PCDHGB6: variants seen among roughly 807,000 people sequenced by gnomAD.
PCDHGB6 encodes protocadherin gamma subfamily B, 6.
PCDHGB6 carries 51 observed loss-of-function variants against 59.1 expected under a neutral mutation model. The ratio of observed to expected loss-of-function variants is 0.86; its 90% CI spans 0.69 to 1.09. The LOEUF is 1.09. Ranked by LOEUF, PCDHGB6 falls within the 50% of genes least tolerant of loss-of-function variation. The probability of loss-of-function intolerance (pLI) is 0.00; values close to 1 mark genes in which losing one functional copy is unlikely to be tolerated. For synonymous variants in PCDHGB6, 466 were observed against 495.1 expected (o/e 0.94, Z 0.78); for missense variants, 1,148 against 1,205.1 (o/e 0.95, Z 0.70).
intron 1 of PCDHGB6, among the ~76,000 whole-genome samples, chr5:141,482,257 T>C (rs2099555476): frequency 1.3e-5 from 2 of 152,156 alleles, no homozygotes; most frequent in Admixed American, 1.3e-4. Context: ...ACTGTACATA[T>C]TAGTTGTTTA....
In PCDHGB6 at chr5:141,409,757, G is replaced by T. The variant is rs376391018; in HGVS notation, c.1555G>T (p.Ala519Ser). Residue 519 changes from alanine (A) to serine (S), a missense_variant, in exon 1 of 4, where the codon GCC becomes TCC. By Grantham distance (99) the Ala-to-Ser change is moderately conservative. Coordinates refer to ENST00000520790, the MANE Select transcript of PCDHGB6 (RefSeq NM_018926.3). ...GAGCGGGGTGGTGTTCGCGCAGCGC[G>T]CCTTTGATCACGAGCAGCTGCGCGC... is the stretch of plus-strand genomic sequence containing the variant. ...AQSGVVFAQR[A>S]FDHEQLRAFA... 5 of 1,612,868 alleles carry T rather than the reference G, an allele frequency of 3.1e-6. No homozygotes were observed. In the East Asian group the frequency reaches 6.7e-5, roughly 22 times the overall value.
chr5:141,433,283 T>A, intron 1 of PCDHGB6: 1 of 1,183,074 alleles, frequency 8.5e-7, no homozygotes, highest in Non-Finnish European at 1.2e-6. Flanking sequence ...AGCCTCAAAC[T>A]CCTAGGCTCA....
rs770010951 is a variant in PCDHGB6 at position 141,408,783 on chromosome 5, T to A, written c.581T>A (p.Leu194Ter). Residue 194 changes from leucine (L) to a stop codon, truncating the protein, a stop_gained, in exon 1 of 4, where the codon TTA becomes TAA. Transcript: ENST00000520790. LOFTEE classifies it high-confidence loss of function. ...TCCGATGGTGGCAAATACCCAGAGT[T>A]ATCTCTGGAGAAACTCCTAGACCGG... ...VNSDGGKYPELSLEKLLDREE... is the reference protein window; with the variant it reads ...VNSDGGKYPE 26 of 1,612,386 alleles carry A rather than the reference T, an allele frequency of 1.6e-5. No homozygotes were observed. The East Asian group carries it at 5.8e-4, about 36-fold the overall frequency.
chr5:141,500,051 C>A (rs991931153), intron 2 of PCDHGB6, among the ~76,000 whole-genome samples: 1 of 151,988 alleles, frequency 6.6e-6, no homozygotes, highest in Non-Finnish European at 1.5e-5. Context: ...TATCTTAATG[C>A]TCTTTTAATG....
intron 1 of PCDHGB6, chr5:141,428,109 G>A: frequency 1.2e-6 from 2 of 1,607,850 alleles, no homozygotes; most frequent in Non-Finnish European, 1.7e-6. Context: ...CGTGCTGCAG[G>A]CCATCGAGCC....
chr5:141,427,626 C>T, intron 1 of PCDHGB6: 1 of 699,934 alleles, frequency 1.4e-6, no homozygotes, highest in Non-Finnish European at 2.6e-6. Flanking sequence ...CGACAATGCT[C>T]CGGTTTTCCA....
intron 1 of PCDHGB6, chr5:141,426,170 T>G (rs2096918811): frequency 6.4e-6 from 1 of 155,200 alleles, no homozygotes. Flanking sequence ...CCATACGGAT[T>G]GGGGTGCCCT....
At chr5:141,482,572 T>C (rs1367788391) in intron 1 of PCDHGB6, among the ~76,000 whole-genome samples, 1 of 137,636 alleles carries the variant, frequency 7.3e-6, no homozygotes, top group Admixed American at 7.3e-5. Context: ...CTGCATAGCA[T>C]AAGATGCAGT....
intron 1 of PCDHGB6, chr5:141,478,259 T>G: frequency 6.2e-7 from 1 of 1,614,182 alleles, no homozygotes. Context: ...AGTAATCATA[T>G]TCAAAGTTTA....
chr5:141,425,221 C>T (rs2096862694), intron 1 of PCDHGB6, among the ~76,000 whole-genome samples: 1 of 152,068 alleles, frequency 6.6e-6, no homozygotes, highest in African/African-American at 2.4e-5. Context: ...TGTACTTTGA[C>T]TGGAATTAGT....
In PCDHGB6 at chr5:141,489,872, T is replaced by A. The variant is rs2099693206; in HGVS notation, c.2419-4935T>A. 1 of 1,614,090 alleles carries A rather than the reference T, an allele frequency of 6.2e-7. No homozygotes were observed. The highest frequency in any genetic ancestry group is 8.5e-7 in the Non-Finnish European group (1 of 1,180,016). On this transcript the variant is annotated intron_variant, in intron 1 of 3. Coordinates refer to ENST00000520790, the MANE Select transcript of PCDHGB6 (RefSeq NM_018926.3). The surrounding 1 kb of genome is among the most constrained non-coding windows in gnomAD (Gnocchi z 4.5). ...GAAGCCCAGGCAAGACATCAGCTGG[T>A]GCTTACTGCTGTGGATGGGGGGACC...
intron 1 of PCDHGB6, chr5:141,492,079 G>A (rs1400390407): frequency 4.1e-6 from 2 of 486,168 alleles, no homozygotes; most frequent in African/African-American, 2.0e-5. Context: ...CGCCGGCTCC[G>A]GCACGCTTCG....
Position 141,431,135 on chromosome 5 carries a change from A to G in PCDHGB6, c.2418+20515A>G, listed in dbSNP as rs140069213. The G allele has an allele frequency of 1.5e-5, 24 of 1,614,266 alleles. No homozygotes were observed. In the African/African-American group the frequency reaches 3.1e-4, roughly 21 times the overall value. Reference sequence around the variant, plus strand: ...TGGAGTAGAAGTAGAAGTAAGGGACATTAACGACAATGCGCCTTACTTTCG... The same window carrying G: ...TGGAGTAGAAGTAGAAGTAAGGGACGTTAACGACAATGCGCCTTACTTTCG... On this transcript the variant is annotated intron_variant, in intron 1 of 3. Transcript: ENST00000520790. This position sits in a 1 kb window ranked among gnomAD's most constrained non-coding sequence, Gnocchi z 4.8.
rs1257933448 is a variant in PCDHGB6, at chr5:141,490,285, G to C, written c.2419-4522G>C. 3 of 1,614,106 alleles carry C rather than the reference G, an allele frequency of 1.9e-6. No homozygotes were observed. In the African/African-American group the frequency reaches 4.0e-5, roughly 22 times the overall value. On this transcript the variant is annotated intron_variant, in intron 1 of 3. Coordinates refer to ENST00000520790, the MANE Select transcript of PCDHGB6 (RefSeq NM_018926.3). This position sits in a 1 kb window ranked among gnomAD's most constrained non-coding sequence, Gnocchi z 5.4. ...GGGGGATGTCAATGACAATGCCCCAGAGGTGCTATTGGCCTCTTTGGCCAA... is the reference window on the plus strand; with the variant it reads ...GGGGGATGTCAATGACAATGCCCCACAGGTGCTATTGGCCTCTTTGGCCAA...
intron 1 of PCDHGB6, chr5:141,414,391 T>TG (rs1367379916): frequency 6.2e-7 from 1 of 1,613,862 alleles, no homozygotes; most frequent in South Asian, 1.1e-5. Flanking sequence ...TGACAGTTAT[T>TG]ACAGATTGGT....
chr5:141,444,240 C>A (rs1017550385), intron 1 of PCDHGB6, among the ~76,000 whole-genome samples: 1 of 128,688 alleles, frequency 7.8e-6, no homozygotes, highest in Admixed American at 9.7e-5. Flanking sequence ...GGCATGCTCT[C>A]GGCTCACTGC....
At chr5:141,452,017 C>T (rs181614467) in intron 1 of PCDHGB6, among the ~76,000 whole-genome samples, 10 of 152,344 alleles carry the variant, frequency 6.6e-5, no homozygotes, top group Non-Finnish European at 1.2e-4. Flanking sequence ...CCAGCCCACA[C>T]TCTGGGGAGA....
rs143083513 is a variant in PCDHGB6 at position 141,431,088 on chromosome 5, T to C, written c.2418+20468T>C. On this transcript the variant is annotated intron_variant, in intron 1 of 3. Coordinates refer to ENST00000520790, the MANE Select transcript of PCDHGB6 (RefSeq NM_018926.3). This position sits in a 1 kb window ranked among gnomAD's most constrained non-coding sequence, Gnocchi z 4.8. The stretch of plus-strand genomic sequence containing the variant: ...TGTCAATTAAATCTAGACATTCTGA[T>C]GGAGGATAAAGTGAAAATATATGGA... 106 of 1,614,180 alleles carry C rather than the reference T, an allele frequency of 6.6e-5. 1 individual carries two copies. The highest frequency in any genetic ancestry group is 3.1e-4 in the East Asian group (14 of 44,890).
Position 141,408,041 on chromosome 5 carries a change from C to T in PCDHGB6, c.-162C>T. On this transcript the variant is annotated 5_prime_UTR_variant, in exon 1 of 4. Coordinates refer to ENST00000520790, the MANE Select transcript of PCDHGB6 (RefSeq NM_018926.3). Reference sequence around the variant, plus strand: ...ACAACAGAAAGAAGAAAACCAGCTCCCACACAGAGCCTCCCGGCTGCGCAG... The same window carrying T: ...ACAACAGAAAGAAGAAAACCAGCTCTCACACAGAGCCTCCCGGCTGCGCAG... 1.7e-6 allele frequency: 2 copies of T among 1,193,652 alleles called. No homozygotes were observed. Among genetic ancestry groups the T allele is most frequent in the Non-Finnish European group, 2.3e-6 (2 of 882,356 alleles). 73.9% of individuals were successfully genotyped at this position (1,193,652 alleles called of 1,614,324 possible).
Sources: gnomAD v4.1 joint callset for allele counts (sites outside exome capture counted in the v4.1 genomes callset) on GRCh38, gnomAD v4.1.1 for gene constraint, Gnocchi (gnomAD v3.1) non-coding constraint, MANE v1.5 for transcripts, NCBI Gene and HGNC (gene_info 2026-07-23, HGNC 2026-07-21) for gene names.